Variants in PCGF3 observed in about 807,000 individuals in gnomAD.
PCGF3 encodes the protein polycomb group ring finger 3.
A neutral mutation model predicts 33.1 loss-of-function variants in PCGF3; 7 were observed. The observed-to-expected ratio is 0.21, with a 90% confidence interval of 0.12 to 0.40. The LOEUF is 0.40. PCGF3 is among the 10% of genes least tolerant of loss of function. The pLI, the probability that PCGF3 is intolerant of heterozygous loss-of-function variation, is 1.00. For missense variants in PCGF3, 211 were observed against 313.3 expected (o/e 0.67, Z 2.46); for synonymous variants, 153 against 121.3 (o/e 1.26, Z -1.72).
intron 4 of PCGF3, chr4:734,354 G>C (rs567627958): frequency 5.6e-6 from 8 of 1,422,562 alleles, no homozygotes; most frequent in Non-Finnish European, 7.4e-6. Flanking sequence ...CGCTGTGTGC[G>C]TCTCTTGATG....
chr4:730,871 C>A (rs551656209), intron 2 of PCGF3, 99 bp from the exon 3 acceptor site: 4 of 396,664 alleles, frequency 1.0e-5, no homozygotes, highest in Non-Finnish European at 1.3e-5. Context: ...GCCCTTTGCT[C>A]GGTAGGGCTT....
chr4:756,809 T>C (rs1744788859), intron 8 of PCGF3, among the ~76,000 whole-genome samples: 1 of 152,144 alleles, frequency 6.6e-6, no homozygotes, highest in Non-Finnish European at 1.5e-5. Flanking sequence ...CCAGCAGGGT[T>C]AGATCGCAGA....
exon 11 of PCGF3, chr4:769,048 T>A (rs1745505394): frequency 6.5e-6 from 1 of 152,708 alleles, no homozygotes; most frequent in African/African-American, 2.4e-5. Flanking sequence ...GAGAATGCTG[T>A]TATTGGGGTT....
At chr4:740,643 A>G (rs1363202687) in intron 6 of PCGF3, among the ~76,000 whole-genome samples, 1 of 152,042 alleles carries the variant, frequency 6.6e-6, no homozygotes, top group Non-Finnish European at 1.5e-5. Context: ...TAACCCTAGC[A>G]CTGTGGGAGG....
At chr4:709,652 C>T (rs1011248987) in intron 1 of PCGF3, among the ~76,000 whole-genome samples, 1 of 152,260 alleles carries the variant, frequency 6.6e-6, no homozygotes, top group Non-Finnish European at 1.5e-5. Context: ...TTGGGCAGTA[C>T]AATGAGGTGT....
At position 734,921 on chromosome 4, in the gene PCGF3, T is replaced by C. The variant is rs758121696; in HGVS notation, c.110-10T>C. Reference sequence around the variant, plus strand: ...GACGCTCTCCTAACACACCTGTGCTTTGATGACAGTCTGCAGGAGCTGCCT... The same window carrying C: ...GACGCTCTCCTAACACACCTGTGCTCTGATGACAGTCTGCAGGAGCTGCCT... On this transcript the variant is annotated splice_polypyrimidine_tract_variant and intron_variant, in intron 4 of 10. Coordinates refer to ENST00000362003, the Ensembl canonical transcript of PCGF3. 4 of 1,612,554 alleles carry C rather than the reference T, an allele frequency of 2.5e-6. No individual in the cohort carries two copies. The highest frequency in any genetic ancestry group is 3.4e-6 in the Non-Finnish European group (4 of 1,179,608).
chr4:758,619 T>C, intron 8 of PCGF3, among the ~76,000 whole-genome samples: 1 of 119,992 alleles, frequency 8.3e-6, no homozygotes, highest in Non-Finnish European at 1.7e-5. Flanking sequence ...CTCCAGTTCT[T>C]TCTCCCCGCG....
At chr4:724,556 G>A (rs1338409386) in intron 1 of PCGF3, among the ~76,000 whole-genome samples, 1 of 152,220 alleles carries the variant, frequency 6.6e-6, no homozygotes, top group Non-Finnish European at 1.5e-5. Flanking sequence ...GCCGGGCACG[G>A]TGGCTCACAT....
At chr4:764,322 A>C (rs1263505817) in intron 9 of PCGF3, among the ~76,000 whole-genome samples, 1 of 152,126 alleles carries the variant, frequency 6.6e-6, no homozygotes, top group Non-Finnish European at 1.5e-5. Flanking sequence ...TGGGGAGCCT[A>C]GTGCATTTTT....
chr4:755,063 G>C (rs1012672628), intron 8 of PCGF3, among the ~76,000 whole-genome samples: 1 of 152,236 alleles, frequency 6.6e-6, no homozygotes, highest in Non-Finnish European at 1.5e-5. Context: ...TTTACAATCA[G>C]AGTTGCATTT....
At chr4:734,800 C>A in intron 4 of PCGF3, 131 bp from the exon 5 acceptor site, 1 of 1,415,328 alleles carries the variant, frequency 7.1e-7, no homozygotes. Context: ...AAGCTGAGAG[C>A]CACAAGGAGG....
Position 721,029 on chromosome 4 carries a change from G to A in PCGF3, c.-189-9601G>A, listed in dbSNP as rs1485503734. On this transcript the variant is annotated intron_variant, in intron 1 of 10. Transcript: ENST00000362003. This position sits in a 1 kb window ranked among gnomAD's most constrained non-coding sequence, Gnocchi z 4.1. Reference sequence around the variant, plus strand: ...GGGCAAGCAGGAGCTCAGATGGGAGGCATGGAGCAGACGGGACTCCACGTG... The same window carrying A: ...GGGCAAGCAGGAGCTCAGATGGGAGACATGGAGCAGACGGGACTCCACGTG... Among the ~76,000 whole-genome samples, 1 of 152,094 alleles carries A rather than the reference G, an allele frequency of 6.6e-6. No homozygotes were observed.
intron 1 of PCGF3, among the ~76,000 whole-genome samples, chr4:711,448 TTTTTTC>T (rs1326852724): frequency 0.011 from 1,007 of 92,090 alleles, 22 homozygotes; most frequent in African/African-American, 0.03. Context: ...TTTTTCTTTT[TTTTTTC>T]TTTTTTTTTT....
At chr4:763,284 G>T (rs1317396017) in intron 9 of PCGF3, among the ~76,000 whole-genome samples, 1 of 152,222 alleles carries the variant, frequency 6.6e-6, no homozygotes, top group African/African-American at 2.4e-5. Flanking sequence ...TTCATGTGGA[G>T]GTGTAGCGGG....
At chr4:764,939 G>T in intron 9 of PCGF3, 45 bp from the exon 10 acceptor site, 1 of 1,373,964 alleles carries the variant, frequency 7.3e-7, no homozygotes, top group East Asian at 2.3e-5. Context: ...TGTCAGTGTG[G>T]GTTGAGCACC....
At chr4:734,506 T>G in intron 4 of PCGF3, 1 of 1,216,602 alleles carries the variant, frequency 8.2e-7, no homozygotes, top group Non-Finnish European at 1.0e-6. Context: ...AATCGTATTT[T>G]TAGATATTGG....
At chr4:726,328 G>A (rs1423112996) in intron 1 of PCGF3, among the ~76,000 whole-genome samples, 5 of 152,224 alleles carry the variant, frequency 3.3e-5, no homozygotes, top group South Asian at 2.1e-4. Flanking sequence ...AATATCGTGC[G>A]GCCCCAGGCC....
intron 8 of PCGF3, among the ~76,000 whole-genome samples, chr4:754,645 G>A (rs1744688018): frequency 6.6e-6 from 1 of 152,236 alleles, no homozygotes; most frequent in South Asian, 2.1e-4. Flanking sequence ...TGAGGTTGGG[G>A]ACCTTGGGGG....
chr4:728,625 CAT>C (rs1743426700), intron 1 of PCGF3, among the ~76,000 whole-genome samples: 1 of 152,198 alleles, frequency 6.6e-6, no homozygotes, highest in African/African-American at 2.4e-5. Context: ...CACCTTCTAA[CAT>C]AGTAAATAAT....
Sources: allele counts gnomAD v4.1 joint callset (sites outside exome capture counted in the v4.1 genomes callset), GRCh38; gene constraint gnomAD v4.1.1; non-coding constraint Gnocchi (gnomAD v3.1); transcripts MANE v1.5; gene names NCBI Gene and HGNC (gene_info 2026-07-23, HGNC 2026-07-21).